Variants in ZNF385B observed in about 807,000 individuals in gnomAD.
The protein encoded by ZNF385B is zinc finger protein 533.
ZNF385B carries 23 observed loss-of-function variants against 39.2 expected under a neutral mutation model. The ratio of observed to expected loss-of-function variants is 0.59; its 90% CI spans 0.42 to 0.83. ZNF385B has a LOEUF of 0.83. Among genes scored for constraint, ZNF385B ranks in the 40% least tolerant of loss-of-function variants. The pLI is 0.00. For synonymous variants in ZNF385B, 205 were observed against 222.6 expected (o/e 0.92, Z 0.70); for missense variants, 552 against 598.9 (o/e 0.92, Z 0.82).
chr2:179,764,886 C>T (rs915258744), intron 3 of ZNF385B, among the ~76,000 whole-genome samples: 4 of 152,212 alleles, frequency 2.6e-5, no homozygotes, highest in African/African-American at 9.6e-5. Context: ...GCCTCACTGC[C>T]TTCCACCTGT....
intron 3 of ZNF385B, among the ~76,000 whole-genome samples, chr2:179,710,083 G>C (rs1400828118): frequency 1.3e-5 from 2 of 152,144 alleles, no homozygotes; most frequent in African/African-American, 4.8e-5. Context: ...TTGAATGGAT[G>C]AACGGACTGT....
chr2:179,485,453 C>T (rs2054466270), intron 5 of ZNF385B, among the ~76,000 whole-genome samples: 1 of 152,072 alleles, frequency 6.6e-6, no homozygotes, highest in Non-Finnish European at 1.5e-5. Context: ...GGACATGTTG[C>T]TTTGCTATCT....
rs994815546 is a variant in ZNF385B at position 179,861,317 on chromosome 2, A to C, written c.-371T>G. ...ACAGCTCGGCCCGGCGCGGCCCCTG[A>C]ACTGTCCAACTCTTGCCCGCGCCGG... On this transcript the variant is annotated 5_prime_UTR_variant, in exon 1 of 10. Transcript: ENST00000410066. The C allele has an allele frequency of 6.5e-6, 1 of 153,290 alleles. No homozygotes were observed. The highest frequency in any genetic ancestry group is 1.9e-4 in the South Asian group (1 of 5,402). 9.5% of individuals were successfully genotyped at this position (153,290 alleles called of 1,614,324 possible).
chr2:179,494,543 C>T (rs1425315037), intron 5 of ZNF385B, among the ~76,000 whole-genome samples: 1 of 152,016 alleles, frequency 6.6e-6, no homozygotes, highest in Non-Finnish European at 1.5e-5. Context: ...CATAAATCAT[C>T]CATAATTTTG....
chr2:179,722,144 T>C (rs1575344053), intron 3 of ZNF385B, among the ~76,000 whole-genome samples: 1 of 152,084 alleles, frequency 6.6e-6, no homozygotes, highest in East Asian at 1.9e-4. Flanking sequence ...GAAGTATATA[T>C]AACGAGATGT....
At chr2:179,623,218 C>A (rs1047456034) in intron 3 of ZNF385B, among the ~76,000 whole-genome samples, 2 of 151,578 alleles carry the variant, frequency 1.3e-5, no homozygotes, top group Admixed American at 1.3e-4. Context: ...AAAAATCAAT[C>A]AAGAACTCAA....
At chr2:179,545,072 C>G in intron 3 of ZNF385B, 103 bp from the exon 4 acceptor site, 1 of 1,455,248 alleles carries the variant, frequency 6.9e-7, no homozygotes. Flanking sequence ...AACTTGCAAG[C>G]AAGAGAGTTA....
At chr2:179,622,563 G>A (rs1043257508) in intron 3 of ZNF385B, among the ~76,000 whole-genome samples, 3 of 152,166 alleles carry the variant, frequency 2.0e-5, no homozygotes, top group Admixed American at 2.0e-4. Flanking sequence ...GGTTATAGAA[G>A]TTACTTAGGT....
At chr2:179,602,621 A>G (rs906481544) in intron 3 of ZNF385B, among the ~76,000 whole-genome samples, 5 of 152,184 alleles carry the variant, frequency 3.3e-5, no homozygotes, top group Admixed American at 3.3e-4. Context: ...GCTCATGTAA[A>G]TGACTAAATG....
intron 1 of ZNF385B, among the ~76,000 whole-genome samples, chr2:179,774,045 G>T (rs1006882096): frequency 6.6e-6 from 1 of 151,932 alleles, no homozygotes; most frequent in Non-Finnish European, 1.5e-5. Context: ...TGGTACATGT[G>T]ATGTGTGGTT....
At chr2:179,667,995 G>C (rs1418280831) in intron 3 of ZNF385B, among the ~76,000 whole-genome samples, 1 of 152,106 alleles carries the variant, frequency 6.6e-6, no homozygotes, top group Non-Finnish European at 1.5e-5. Flanking sequence ...TCCTAATCAA[G>C]AGAAAATGAC....
chr2:179,493,980 C>T (rs1279934693), intron 5 of ZNF385B, among the ~76,000 whole-genome samples: 5 of 150,356 alleles, frequency 3.3e-5, no homozygotes, highest in Non-Finnish European at 5.9e-5. Context: ...AATATGGGGA[C>T]ATAGATAAGA....
chr2:179,774,268 T>C (rs1425849080), intron 1 of ZNF385B, among the ~76,000 whole-genome samples: 2 of 151,612 alleles, frequency 1.3e-5, no homozygotes, highest in Non-Finnish European at 2.9e-5. Context: ...GTGTGTGTGG[T>C]ATATGTGGCA....
intron 5 of ZNF385B, among the ~76,000 whole-genome samples, chr2:179,489,985 A>T (rs1405296850): frequency 1.3e-5 from 2 of 152,252 alleles, no homozygotes; most frequent in African/African-American, 4.8e-5. Flanking sequence ...GTCTAGGGCC[A>T]TCACACTGCA....
At chr2:179,785,303 C>A (rs1704926230) in intron 1 of ZNF385B, among the ~76,000 whole-genome samples, 2 of 152,040 alleles carry the variant, frequency 1.3e-5, no homozygotes, top group Non-Finnish European at 2.9e-5. Context: ...TGTAGAAATC[C>A]ATTGATCTAT....
intron 6 of ZNF385B, among the ~76,000 whole-genome samples, chr2:179,450,123 A>T (rs1320776423): frequency 6.6e-6 from 1 of 151,952 alleles, no homozygotes; most frequent in Non-Finnish European, 1.5e-5. Context: ...AAAGACTTAA[A>T]TGTTAGACCT....
At chr2:179,650,615 T>G (rs1693112812) in intron 3 of ZNF385B, among the ~76,000 whole-genome samples, 1 of 152,210 alleles carries the variant, frequency 6.6e-6, no homozygotes, top group African/African-American at 2.4e-5. Flanking sequence ...CAAGCTGTCA[T>G]GTGGAGAGTG....
At chr2:179,808,071 C>T (rs182184940) in intron 1 of ZNF385B, among the ~76,000 whole-genome samples, 6 of 151,910 alleles carry the variant, frequency 3.9e-5, no homozygotes, top group East Asian at 2.0e-4. Context: ...CTTGCTCTGT[C>T]GCCCAGGCTG....
intron 1 of ZNF385B, among the ~76,000 whole-genome samples, chr2:179,803,843 G>T (rs578115028): frequency 1.3e-5 from 2 of 152,156 alleles, no homozygotes; most frequent in African/African-American, 4.8e-5. Context: ...GGGATCTTTC[G>T]ATTATAAGAG....
Sources: allele counts gnomAD v4.1 joint callset (sites outside exome capture counted in the v4.1 genomes callset), GRCh38; gene constraint gnomAD v4.1.1; transcripts MANE v1.5; gene names NCBI Gene and HGNC (gene_info 2026-07-23, HGNC 2026-07-21).